Variants in DOCK8 observed in about 807,000 individuals in gnomAD.
DOCK8 encodes dedicator of cytokinesis protein 8.
Under a neutral mutation model 245.6 loss-of-function variants are expected in DOCK8, and 141 were observed. The ratio of observed to expected loss-of-function variants is 0.57; its 90% CI spans 0.50 to 0.66. The LOEUF (loss-of-function observed/expected upper bound fraction) is 0.66, where lower values mean the gene tolerates loss of function less well. Among genes scored for constraint, DOCK8 ranks in the 30% least tolerant of loss-of-function variants. The pLI is 0.00. For missense variants in DOCK8, 2,965 were observed against 2,603.4 expected (o/e 1.14, Z -3.02); for synonymous variants, 1,168 against 970.2 (o/e 1.20, Z -3.79).
At position 434,860 on chromosome 9, in the gene DOCK8, A is replaced by T. The variant is rs2056842068; in HGVS notation, c.4964A>T (p.Lys1655Met). ...AACATGGCAGAGAAACACACCAAGA[A>T]GAAGTGCTACACGGAGGCTGCCATG... ...LQNMAEKHTK[K>M]KCYTEAAMCL... Residue 1655 changes from lysine to methionine, a missense_variant, in exon 39 of 48, where the codon AAG becomes ATG. Around this residue, in one of 3 missense-constraint regions of DOCK8, gnomAD observed 2,825 missense variants for 2,453.5 expected, o/e 1.15. Transcript: ENST00000432829. 1 of 1,614,138 alleles carries T rather than the reference A, an allele frequency of 6.2e-7. No individual in the cohort carries two copies. Among genetic ancestry groups the T allele is most frequent in the Non-Finnish European group, 8.5e-7 (1 of 1,180,026 alleles).
chr9:307,066 G>A (rs1160694445), intron 5 of DOCK8, among the ~76,000 whole-genome samples: 1 of 152,118 alleles, frequency 6.6e-6, no homozygotes, highest in Non-Finnish European at 1.5e-5. Flanking sequence ...TCACTACGAA[G>A]GTGAGAGGAA....
At chr9:289,449 A>C in intron 3 of DOCK8, 61 bp from the exon 4 acceptor site, 1 of 1,308,670 alleles carries the variant, frequency 7.6e-7, no homozygotes, top group South Asian at 1.2e-5. Flanking sequence ...GCTCATGATT[A>C]GGGGTTGTTT....
intron 20 of DOCK8, 116 bp from the exon 21 acceptor site, chr9:379,655 G>C: frequency 8.8e-7 from 1 of 1,140,978 alleles, no homozygotes; most frequent in Non-Finnish European, 1.3e-6. Context: ...ACCCTTCCCA[G>C]GCCTAGTTAA....
At chr9:397,081 G>T (rs2054497411) in intron 25 of DOCK8, 147 bp downstream of exon 25, 3 of 1,018,756 alleles carry the variant, frequency 2.9e-6, no homozygotes, top group Non-Finnish European at 4.3e-6. Flanking sequence ...TACTGGACTG[G>T]ACCCTGATGT....
intron 16 of DOCK8, among the ~76,000 whole-genome samples, chr9:371,166 G>A (rs2053268277): frequency 6.9e-6 from 1 of 144,970 alleles, no homozygotes; most frequent in East Asian, 1.9e-4. Flanking sequence ...CATTGTGTGG[G>A]GGAGTTGTTT....
chr9:378,345 C>G (rs1446118504), intron 20 of DOCK8, among the ~76,000 whole-genome samples: 1 of 152,218 alleles, frequency 6.6e-6, no homozygotes, highest in African/African-American at 2.4e-5. Flanking sequence ...GTGGGAGTGT[C>G]AGGAAGAAAG....
chr9:296,482 A>T (rs12377992), intron 4 of DOCK8, among the ~76,000 whole-genome samples: 5 of 152,170 alleles, frequency 3.3e-5, no homozygotes, highest in African/African-American at 1.2e-4. Context: ...TTTGTTTTTC[A>T]TCTGGGGTGA....
intron 7 of DOCK8, among the ~76,000 whole-genome samples, chr9:319,844 T>A (rs2050508884): frequency 6.6e-6 from 1 of 151,868 alleles, no homozygotes; most frequent in African/African-American, 2.4e-5. Flanking sequence ...AATGGAGAAA[T>A]ATTTTAAGAT....
At position 464,372 on chromosome 9, in the gene DOCK8, G is replaced by A. The variant is rs2057908479; in HGVS notation, c.*153G>A. On this transcript the variant is annotated 3_prime_UTR_variant, in exon 48 of 48. Coordinates refer to ENST00000432829, the MANE Select transcript of DOCK8 (RefSeq NM_203447.4). ...AAGCTTTGGGATCCCAGGAACCATG[G>A]AATTATTCCCAAATGGACTCTGACC... The A allele has an allele frequency of 1.3e-6, 1 of 753,490 alleles. No homozygotes were observed. Among genetic ancestry groups the A allele is most frequent in the African/African-American group, 1.7e-5 (1 of 58,122 alleles). The allele number at this position is 753,490 out of a possible 1,614,324, so 46.7% of individuals were successfully genotyped here.
chr9:399,129 G>A lies in DOCK8; in HGVS notation c.3121-17G>A. The A allele has an allele frequency of 6.2e-7, 1 of 1,611,008 alleles. No individual in the cohort carries two copies. The highest frequency in any genetic ancestry group is 8.5e-7 in the Non-Finnish European group (1 of 1,177,462). ...GAGTGTCCCACAAAATGATTTGGGT[G>A]TTTGTTTGTTTTTAAGGAAAATGAA... On this transcript the variant is annotated splice_polypyrimidine_tract_variant and intron_variant, in intron 25 of 47. Coordinates refer to ENST00000432829, the MANE Select transcript of DOCK8 (RefSeq NM_203447.4).
At chr9:413,938 T>G (rs556809992) in intron 28 of DOCK8, among the ~76,000 whole-genome samples, 163 of 152,298 alleles carry the variant, frequency 1.1e-3, no homozygotes, top group Non-Finnish European at 1.7e-3. Flanking sequence ...GGCCAGGAGT[T>G]CGAGACCAGC....
chr9:367,867 A>G, intron 14 of DOCK8, 151 bp from the exon 15 acceptor site: 1 of 672,104 alleles, frequency 1.5e-6, no homozygotes, highest in South Asian at 1.7e-5. Flanking sequence ...AGAATCAAGT[A>G]ATTCACTCCC....
In DOCK8 at chr9:225,656, G is replaced by T. The variant is rs999473380; in HGVS notation, c.53+10627G>T. Among the ~76,000 whole-genome samples the T allele has an allele frequency of 4.6e-5, 7 of 152,146 alleles. No homozygotes were observed. The East Asian group carries it at 1.3e-3, about 29-fold the overall frequency. The stretch of plus-strand genomic sequence containing the variant: ...ATAGAGTCATGAATAAGATAGACAG[G>T]GTTCTTATTCTAAAAAAAGTAATAT... On this transcript the variant is annotated intron_variant, in intron 1 of 47. Transcript: ENST00000432829.
intron 9 of DOCK8, among the ~76,000 whole-genome samples, chr9:331,969 G>C (rs975538720): frequency 3.3e-5 from 5 of 152,066 alleles, no homozygotes; most frequent in Non-Finnish European, 7.4e-5. Context: ...TTTTTACATT[G>C]TAAGCAATAA....
intron 10 of DOCK8, among the ~76,000 whole-genome samples, chr9:332,832 T>A (rs1382213537): frequency 6.7e-6 from 1 of 150,358 alleles, no homozygotes; most frequent in East Asian, 1.9e-4. Context: ...TAGTTTTTTA[T>A]TTTTTTTTAG....
rs1009632372 is a variant in DOCK8, at chr9:461,228, A to C, written c.6069-2289A>C. ...GTTTTGTCATGAGAAGACTGGATAT[A>C]GCTCTGTTGTTGTTCATTAGAGGAT... is the stretch of plus-strand genomic sequence containing the variant. On this transcript the variant is annotated intron_variant, in intron 46 of 47. Coordinates refer to ENST00000432829, the MANE Select transcript of DOCK8 (RefSeq NM_203447.4). Among the ~76,000 whole-genome samples the C allele has an allele frequency of 2.0e-5, 3 of 152,198 alleles. No homozygotes were observed. In the South Asian group the frequency reaches 6.2e-4, roughly 32 times the overall value.
At chr9:325,942 G>A (rs565508237) in intron 8 of DOCK8, among the ~76,000 whole-genome samples, 1 of 152,362 alleles carries the variant, frequency 6.6e-6, no homozygotes, top group South Asian at 2.1e-4. Context: ...TTTAGAGGGA[G>A]AGGCTACTGG....
chr9:427,598 T>C (rs963708672), intron 34 of DOCK8, among the ~76,000 whole-genome samples: 2 of 152,212 alleles, frequency 1.3e-5, no homozygotes, highest in African/African-American at 4.8e-5. Context: ...TTAATTACCC[T>C]GAAAAATGAG....
chr9:442,902 A>G (rs1250429303), intron 42 of DOCK8, among the ~76,000 whole-genome samples: 1 of 152,218 alleles, frequency 6.6e-6, no homozygotes, highest in Non-Finnish European at 1.5e-5. Context: ...AAAAAAGACA[A>G]GAGGGTTTAT....
Sources: allele counts gnomAD v4.1 joint callset (sites outside exome capture counted in the v4.1 genomes callset), GRCh38; gene constraint gnomAD v4.1.1; regional missense constraint gnomAD v4.1.1; transcripts MANE v1.5; gene names NCBI Gene and HGNC (gene_info 2026-07-23, HGNC 2026-07-21).